The following ABCC9 variants were observed in gnomAD, a reference collection of about 807,000 sequenced individuals.
ABCC9 encodes the protein ATP binding cassette subfamily C member 9, also known as ATP-binding cassette sub-family C member 9.
Under a neutral mutation model 188.3 loss-of-function variants are expected in ABCC9, and 95 were observed. That is an observed-to-expected ratio of 0.50 (90% CI 0.43 to 0.60). The LOEUF is 0.60. ABCC9 is among the 20% of genes least tolerant of loss of function. The probability of loss-of-function intolerance (pLI) is 0.00; values close to 1 mark genes in which losing one functional copy is unlikely to be tolerated. For synonymous variants in ABCC9, 659 were observed against 652.7 expected (o/e 1.01, Z -0.15); for missense variants, 1,102 against 1,876.3 (o/e 0.59, Z 7.62).
chr12:21,908,612 C>T (rs937745341), intron 10 of ABCC9, among the ~76,000 whole-genome samples: 1 of 151,884 alleles, frequency 6.6e-6, no homozygotes, highest in African/African-American at 2.4e-5. Context: ...TTTCTATATT[C>T]TCTTGGAATT....
chr12:21,915,225 ATGTGTGTGTGTGTGTGTG>A lies in ABCC9; in HGVS notation c.816+425_816+442del, dbSNP rs377233626. Among the ~76,000 whole-genome samples, 7 of 129,158 alleles carry A rather than the reference ATGTGTGTGTGTGTGTGTG, an allele frequency of 5.4e-5. No individual in the cohort carries two copies. The East Asian group carries it at 1.6e-3, about 30-fold the overall frequency. The allele number at this position is 129,158 out of a possible 152,430, so 84.7% of individuals were successfully genotyped here. On this transcript the variant is annotated intron_variant, in intron 7 of 39. Coordinates refer to ENST00000261200, the MANE Select transcript of ABCC9 (RefSeq NM_020297.4). ...CTAAGCTTTGTGTCTTTATATATAT[ATGTGTGTGTGTGTGTGTG>A]TGTGTGTGTGTGTGTGTGTATATAA...
At chr12:21,919,721 A>G (rs1948731321) in intron 5 of ABCC9, among the ~76,000 whole-genome samples, 1 of 152,028 alleles carries the variant, frequency 6.6e-6, no homozygotes, top group African/African-American at 2.4e-5. Context: ...AACCTTATAC[A>G]AAGTCTTTCA....
intron 34 of ABCC9, among the ~76,000 whole-genome samples, chr12:21,815,527 C>G (rs1022265785): frequency 2.0e-5 from 3 of 152,106 alleles, no homozygotes; most frequent in Non-Finnish European, 2.9e-5. Context: ...AAAAACATGC[C>G]TATTGTTGAC....
chr12:21,894,194 C>A lies in ABCC9; in HGVS notation c.1660-20G>T. 1.2e-6 allele frequency: 2 copies of A among 1,613,858 alleles called. No individual in the cohort carries two copies. Among genetic ancestry groups the A allele is most frequent in the Middle Eastern group, 1.7e-4 (1 of 6,056 alleles). On this transcript the variant is annotated intron_variant, in intron 13 of 39. Coordinates refer to ENST00000261200, the MANE Select transcript of ABCC9 (RefSeq NM_020297.4). Reference sequence around the variant, plus strand: ...AAATGTCTGTGCAAAGAAAGGAGTTCTTTAGAGAAAGCTGGAAAAAGTGTC... The same window carrying A: ...AAATGTCTGTGCAAAGAAAGGAGTTATTTAGAGAAAGCTGGAAAAAGTGTC...
chr12:21,895,325 G>A lies in ABCC9; in HGVS notation c.1619-10C>T. ...GCTGCATTCATGAAGACTGTGGAAAGAAATAAAATGCATTAGTTTCATTGA... is the reference window on the plus strand; with the variant it reads ...GCTGCATTCATGAAGACTGTGGAAAAAAATAAAATGCATTAGTTTCATTGA... On this transcript the variant is annotated splice_polypyrimidine_tract_variant and intron_variant, in intron 12 of 39. Coordinates refer to ENST00000261200, the MANE Select transcript of ABCC9 (RefSeq NM_020297.4). 1 of 1,611,064 alleles carries A rather than the reference G, an allele frequency of 6.2e-7. No individual in the cohort carries two copies. The highest frequency in any genetic ancestry group is 2.2e-5 in the East Asian group (1 of 44,844).
intron 14 of ABCC9, among the ~76,000 whole-genome samples, chr12:21,890,332 C>T (rs1162664973): frequency 1.3e-5 from 2 of 152,122 alleles, no homozygotes; most frequent in African/African-American, 4.8e-5. Flanking sequence ...CAGGAGTTTA[C>T]TCTCGAGCTT....
intron 16 of ABCC9, among the ~76,000 whole-genome samples, chr12:21,879,583 A>C (rs1317890885): frequency 6.6e-6 from 1 of 152,166 alleles, no homozygotes; most frequent in Non-Finnish European, 1.5e-5. Context: ...GTTGACTTTG[A>C]AATGGTTGTC....
chr12:21,919,353 T>A (rs1188460996), intron 5 of ABCC9, among the ~76,000 whole-genome samples: 4 of 151,974 alleles, frequency 2.6e-5, no homozygotes, highest in Non-Finnish European at 4.4e-5. Context: ...TATCCCTGCA[T>A]ACCCTACATA....
rs763315906 is a variant in ABCC9, at chr12:21,910,998, A to AG, written c.1012-21dup. The AG allele has an allele frequency of 6.2e-6, 10 of 1,611,160 alleles. No individual in the cohort carries two copies. Among genetic ancestry groups the AG allele is most frequent in the Non-Finnish European group, 8.5e-6 (10 of 1,177,936 alleles). On this transcript the variant is annotated intron_variant, in intron 8 of 39. Transcript: ENST00000261200. ...TGAAATCTGGTCCCCAAAGAAAAAA[A>AG]GTGTCATATTAAAACTCGTCTTTTT...
At chr12:21,818,307 TTCAA>T (rs1942794860) in intron 31 of ABCC9, 56 bp from the exon 32 acceptor site, 6 of 1,347,306 alleles carry the variant, frequency 4.5e-6, no homozygotes, top group African/African-American at 2.9e-5. Context: ...TTAAACCAAG[TTCAA>T]TCAATTTACA....
intron 1 of ABCC9, 49 bp from the exon 2 acceptor site, chr12:21,940,874 T>G (rs1949658926): frequency 6.6e-6 from 1 of 152,162 alleles, no homozygotes; most frequent in Non-Finnish European, 1.5e-5. Context: ...GAAAACTACT[T>G]CTTGAACATA....
intron 15 of ABCC9, among the ~76,000 whole-genome samples, chr12:21,887,371 A>G (rs925775711): frequency 3.9e-5 from 6 of 152,176 alleles, no homozygotes; most frequent in Non-Finnish European, 8.8e-5. Flanking sequence ...AAAGAGCTAG[A>G]AAATAAAAAA....
At chr12:21,887,779 A>C (rs1946953803) in intron 15 of ABCC9, 47 bp downstream of exon 15, 1 of 1,179,764 alleles carries the variant, frequency 8.5e-7, no homozygotes, top group Admixed American at 1.7e-5. Context: ...CATTCTGCTG[A>C]GACTGTCCTC....
Position 21,862,959 on chromosome 12 carries a change from T to C in ABCC9, c.2333A>G (p.Lys778Arg). The change falls in exon 20 of 40, where the codon AAA (lysine) becomes AGA (arginine). Residue 778 changes from lysine (K) to arginine (R), a missense_variant. By Grantham distance (26) the Lys-to-Arg change is conservative (BLOSUM62 2). This residue lies in a region of ABCC9 where 258 missense variants were observed against 325.6 expected (regional missense o/e 0.79). Transcript: ENST00000261200. ...ENITFGSPFN[K>R]QRYKAVTDAC... Reference sequence around the variant, plus strand: ...TTTATATGCTCAAAATTACCTCTGTTTGTTAAAAGGACTTCCAAAAGTAAT... The same window carrying C: ...TTTATATGCTCAAAATTACCTCTGTCTGTTAAAAGGACTTCCAAAAGTAAT... 6.2e-7 allele frequency: 1 copy of C among 1,601,704 alleles called. No individual in the cohort carries two copies. Among genetic ancestry groups the C allele is most frequent in the Non-Finnish European group, 8.6e-7 (1 of 1,169,136 alleles).
chr12:21,887,799 C>T, intron 15 of ABCC9, 27 bp downstream of exon 15: 1 of 1,457,736 alleles, frequency 6.9e-7, no homozygotes, highest in Admixed American at 1.7e-5. Flanking sequence ...CTATTCACAA[C>T]TTCCAAAACA....
intron 31 of ABCC9, among the ~76,000 whole-genome samples, chr12:21,818,759 T>A (rs1565697318): frequency 6.6e-6 from 1 of 151,672 alleles, no homozygotes; most frequent in Non-Finnish European, 1.5e-5. Context: ...AGGATTATGA[T>A]TAGCTCCTTT....
chr12:21,878,053 C>T (rs1048949326), intron 16 of ABCC9, among the ~76,000 whole-genome samples: 10 of 152,038 alleles, frequency 6.6e-5, no homozygotes, highest in African/African-American at 2.4e-4. Flanking sequence ...CTTGAGAAAA[C>T]TTGGGTACCA....
chr12:21,934,257 T>G (rs924193827), intron 3 of ABCC9, among the ~76,000 whole-genome samples: 6 of 152,084 alleles, frequency 3.9e-5, no homozygotes, highest in Non-Finnish European at 8.8e-5. Flanking sequence ...AAGTTGATGA[T>G]AATAATACAT....
In ABCC9 at chr12:21,818,526, ATGTGTGTG is replaced by A. The variant is rs71053348; in HGVS notation, c.3670-283_3670-276del. On this transcript the variant is annotated intron_variant, in intron 31 of 39. Coordinates refer to ENST00000261200, the MANE Select transcript of ABCC9 (RefSeq NM_020297.4). Reference sequence around the variant, plus strand: ...TATATAACTATATAGATATATATATATGTGTGTGTGTGTGTGTGTGTGTGTGTGTGTGT... The same window carrying A: ...TATATAACTATATAGATATATATATATGTGTGTGTGTGTGTGTGTGTGTGT... Among the ~76,000 whole-genome samples, 406 of 136,436 alleles carry A rather than the reference ATGTGTGTG, an allele frequency of 3.0e-3. 3 individuals are homozygous for A. Among genetic ancestry groups the A allele is most frequent in the African/African-American group, 9.2e-3 (335 of 36,328 alleles). The allele number at this position is 136,436 out of a possible 152,430, so 89.5% of individuals were successfully genotyped here. A position where few individuals can be genotyped will look rare whatever the true frequency, so the allele number is the denominator to read the frequency against.
Sources: allele counts gnomAD v4.1 joint callset (sites outside exome capture counted in the v4.1 genomes callset), GRCh38; gene constraint gnomAD v4.1.1; regional missense constraint gnomAD v4.1.1; transcripts MANE v1.5; gene names NCBI Gene and HGNC (gene_info 2026-07-23, HGNC 2026-07-21).